The following PTPRG variants were observed in gnomAD, a reference collection of about 807,000 sequenced individuals.
The protein encoded by PTPRG is receptor-type tyrosine-protein phosphatase gamma.
In PTPRG, 102 loss-of-function variants were observed where a neutral mutation model predicts 165.3. The observed-to-expected ratio is 0.62, with a 90% CI of 0.53 to 0.73. The LOEUF (loss-of-function observed/expected upper bound fraction) is 0.73, where lower values mean the gene tolerates loss of function less well. Ranked by LOEUF, PTPRG falls within the 30% of genes least tolerant of loss-of-function variation. The pLI is 0.00. For synonymous variants in PTPRG, 675 were observed against 669.5 expected (o/e 1.01, Z -0.13); for missense variants, 1,866 against 1,861.4 (o/e 1.00, Z -0.05).
At chr3:61,874,919 T>C (rs1334007125) in intron 2 of PTPRG, among the ~76,000 whole-genome samples, 4 of 152,212 alleles carry the variant, frequency 2.6e-5, no homozygotes, top group East Asian at 1.9e-4. Context: ...ATTTGTCTTA[T>C]GTAGAGCTGG....
At chr3:62,246,430 A>G (rs747790178) in intron 15 of PTPRG, among the ~76,000 whole-genome samples, 4 of 152,142 alleles carry the variant, frequency 2.6e-5, no homozygotes, top group Admixed American at 6.5e-5. Flanking sequence ...CTTGATCACA[A>G]TCTCTCAGCT....
At chr3:61,737,243 A>C (rs1021271324) in intron 1 of PTPRG, among the ~76,000 whole-genome samples, 15 of 152,022 alleles carry the variant, frequency 9.9e-5, no homozygotes, top group Middle Eastern at 3.4e-3. Flanking sequence ...TGGCTGTATC[A>C]TGTGTGTTTC....
intron 2 of PTPRG, among the ~76,000 whole-genome samples, chr3:61,902,824 C>A (rs993761318): frequency 1.3e-5 from 2 of 152,038 alleles, no homozygotes; most frequent in African/African-American, 2.4e-5. Context: ...TGGCATATAT[C>A]AGTGAACAAA....
chr3:62,152,590 T>C (rs554332114), intron 6 of PTPRG, among the ~76,000 whole-genome samples: 1 of 152,294 alleles, frequency 6.6e-6, no homozygotes, highest in East Asian at 1.9e-4. Context: ...CATTTATCAG[T>C]AGAGCACTGT....
At chr3:61,741,327 C>T (rs2032972739) in intron 1 of PTPRG, among the ~76,000 whole-genome samples, 1 of 152,140 alleles carries the variant, frequency 6.6e-6, no homozygotes, top group Non-Finnish European at 1.5e-5. Context: ...TTTTAGTTGG[C>T]TTATGTTTTG....
At chr3:61,844,980 G>C (rs368536774) in intron 2 of PTPRG, among the ~76,000 whole-genome samples, 156 of 152,270 alleles carry the variant, frequency 1.0e-3, no homozygotes, top group African/African-American at 3.4e-3. Flanking sequence ...TGCCTTATTT[G>C]TTGTTTCTAA....
chr3:61,662,532 A>G (rs1702694960), intron 1 of PTPRG, among the ~76,000 whole-genome samples: 1 of 152,246 alleles, frequency 6.6e-6, no homozygotes. Flanking sequence ...TCCATGCCCC[A>G]CAGAGCCTAT....
intron 14 of PTPRG, among the ~76,000 whole-genome samples, chr3:62,232,846 T>TCATATCATTAGA (rs1343041936): frequency 2.0e-5 from 3 of 152,194 alleles, no homozygotes; most frequent in African/African-American, 7.2e-5. Flanking sequence ...TGATTGTGAA[T>TCATATCATTAGA]CATATCATTT....
chr3:61,762,382 C>T (rs534449423), intron 2 of PTPRG, among the ~76,000 whole-genome samples: 8 of 152,186 alleles, frequency 5.3e-5, no homozygotes, highest in African/African-American at 1.7e-4. Context: ...GAGGCTGAGG[C>T]GGGTGGATCA....
chr3:61,935,757 A>G (rs2039470687), intron 2 of PTPRG, among the ~76,000 whole-genome samples: 1 of 150,994 alleles, frequency 6.6e-6, no homozygotes, highest in South Asian at 2.1e-4. Flanking sequence ...AGAAGTCATC[A>G]TATATATAAA....
Position 62,195,248 on chromosome 3 carries a change from GT to G in PTPRG, c.1327+79del, listed in dbSNP as rs1699930839. The G allele has an allele frequency of 1.5e-6, 2 of 1,293,872 alleles. No individual in the cohort carries two copies. Among genetic ancestry groups the G allele is most frequent in the Non-Finnish European group, 2.2e-6 (2 of 892,826 alleles). The allele number at this position is 1,293,872 out of a possible 1,614,324, so 80.1% of individuals were successfully genotyped here. A position where few individuals can be genotyped will look rare whatever the true frequency, so the allele number is the denominator to read the frequency against. The stretch of plus-strand genomic sequence containing the variant: ...ATGCTTTCTGCTTCTTCCTGCTCAG[GT>G]GCTGGGGAAAAATACAAACAAGCCT... On this transcript the variant is annotated intron_variant, in intron 10 of 29. Transcript: ENST00000474889. The surrounding 1 kb of genome is among the most constrained non-coding windows in gnomAD (Gnocchi z 4.4).
chr3:62,051,924 G>T (rs112565236), intron 4 of PTPRG, among the ~76,000 whole-genome samples: 6 of 152,250 alleles, frequency 3.9e-5, no homozygotes, highest in African/African-American at 1.2e-4. Context: ...TATGCCTATT[G>T]TAAGTAAATC....
chr3:61,882,231 C>T (rs1304964583), intron 2 of PTPRG, among the ~76,000 whole-genome samples: 4 of 152,128 alleles, frequency 2.6e-5, no homozygotes, highest in African/African-American at 9.7e-5. Context: ...CAGTCAACTG[C>T]GTGTGTTGTT....
intron 2 of PTPRG, chr3:61,770,535 G>A (rs1163222196): frequency 1.3e-5 from 2 of 152,096 alleles, no homozygotes; most frequent in Non-Finnish European, 2.9e-5. Flanking sequence ...TTGTGTGGTG[G>A]TAGGACTAAT....
chr3:61,801,018 T>C (rs948378312), intron 2 of PTPRG, among the ~76,000 whole-genome samples: 4 of 152,098 alleles, frequency 2.6e-5, no homozygotes, highest in African/African-American at 4.8e-5. Context: ...TTTGCAGTGC[T>C]CTCTGGTGAA....
At chr3:62,143,699 A>C (rs1704013264) in intron 6 of PTPRG, among the ~76,000 whole-genome samples, 1 of 152,080 alleles carries the variant, frequency 6.6e-6, no homozygotes, top group Non-Finnish European at 1.5e-5. Context: ...AAGAAACAGA[A>C]TTTTGTTATT....
intron 1 of PTPRG, among the ~76,000 whole-genome samples, chr3:61,600,628 C>G (rs1368152249): frequency 1.3e-5 from 2 of 152,138 alleles, no homozygotes; most frequent in East Asian, 1.9e-4. Flanking sequence ...CAGCCTTAAT[C>G]TCTCAGGCTC....
chr3:62,183,311 C>G (rs1705732525), intron 8 of PTPRG, among the ~76,000 whole-genome samples: 1 of 152,160 alleles, frequency 6.6e-6, no homozygotes, highest in Non-Finnish European at 1.5e-5. Flanking sequence ...TGCCTGTAAT[C>G]TCAACACTTT....
intron 6 of PTPRG, among the ~76,000 whole-genome samples, chr3:62,149,568 C>T (rs1427026029): frequency 6.6e-6 from 1 of 152,208 alleles, no homozygotes; most frequent in Non-Finnish European, 1.5e-5. Context: ...CTGCGCCCGG[C>T]CATCTTCGTT....
Sources: allele counts gnomAD v4.1 joint callset (sites outside exome capture counted in the v4.1 genomes callset), GRCh38; gene constraint gnomAD v4.1.1; non-coding constraint Gnocchi (gnomAD v3.1); transcripts MANE v1.5; gene names NCBI Gene and HGNC (gene_info 2026-07-23, HGNC 2026-07-21).